CCDC85A: variants seen among roughly 807,000 people sequenced by gnomAD.
The protein encoded by CCDC85A is coiled-coil domain-containing protein 85A.
A neutral mutation model predicts 50.2 loss-of-function variants in CCDC85A; 38 were observed. The observed-to-expected ratio is 0.76, with a 90% CI of 0.58 to 0.99. The LOEUF (loss-of-function observed/expected upper bound fraction) is 0.99. Among genes scored for constraint, CCDC85A ranks in the 50% least tolerant of loss-of-function variants. The pLI, the probability that CCDC85A is intolerant of heterozygous loss-of-function variation, is 0.00. For synonymous variants in CCDC85A, 366 were observed against 301.4 expected, an observed-to-expected ratio of 1.21 and a Z score of -2.22; for missense variants, 820 against 742.0, an observed-to-expected ratio of 1.11 and a Z score of -1.22.
chr2:56,224,882 A>G (rs1237773157), intron 2 of CCDC85A, among the ~76,000 whole-genome samples: 2 of 152,048 alleles, frequency 1.3e-5, no homozygotes, highest in Admixed American at 6.6e-5. Flanking sequence ...GTTGTTTCTC[A>G]TTCTGTGGGT....
At chr2:56,350,822 T>C (rs1460521899) in intron 3 of CCDC85A, among the ~76,000 whole-genome samples, 4 of 151,056 alleles carry the variant, frequency 2.6e-5, no homozygotes, top group Non-Finnish European at 5.9e-5. Flanking sequence ...TGATAGATAT[T>C]TTTTTTCAGT....
intron 2 of CCDC85A, among the ~76,000 whole-genome samples, chr2:56,204,878 A>G (rs373298147): frequency 2.0e-5 from 3 of 152,198 alleles, no homozygotes; most frequent in East Asian, 3.8e-4. Context: ...TTGAAGCACC[A>G]CAGTGATGAG....
intron 2 of CCDC85A, among the ~76,000 whole-genome samples, chr2:56,249,478 A>G (rs973572046): frequency 6.6e-6 from 1 of 152,208 alleles, no homozygotes; most frequent in Non-Finnish European, 1.5e-5. Flanking sequence ...AATCCCATAC[A>G]GGGCCTATAT....
chr2:56,255,437 C>T (rs1006334964), intron 2 of CCDC85A, among the ~76,000 whole-genome samples: 2 of 151,994 alleles, frequency 1.3e-5, no homozygotes, highest in African/African-American at 4.8e-5. Flanking sequence ...AAGGGATAGA[C>T]AGGGTGATAA....
intron 2 of CCDC85A, 40 bp from the exon 3 acceptor site, chr2:56,342,839 A>T: frequency 7.6e-7 from 1 of 1,323,844 alleles, no homozygotes; most frequent in East Asian, 2.5e-5. Context: ...ACCAAACAAG[A>T]CCTGTGTGTA....
At chr2:56,266,393 G>A (rs563902425) in intron 2 of CCDC85A, among the ~76,000 whole-genome samples, 1 of 152,254 alleles carries the variant, frequency 6.6e-6, no homozygotes, top group East Asian at 1.9e-4. Context: ...AACATAGCAA[G>A]ACCCTGTTTC....
chr2:56,223,218 C>G (rs558191341), intron 2 of CCDC85A, among the ~76,000 whole-genome samples: 2 of 152,176 alleles, frequency 1.3e-5, no homozygotes, highest in East Asian at 1.9e-4. Flanking sequence ...TGTTAAAAAG[C>G]TGAATCAGTC....
At chr2:56,225,858 C>G (rs1045158700) in intron 2 of CCDC85A, among the ~76,000 whole-genome samples, 5 of 152,156 alleles carry the variant, frequency 3.3e-5, no homozygotes, top group African/African-American at 1.2e-4. Flanking sequence ...TAGCGTAAAT[C>G]TCCTGCTTTT....
At chr2:56,345,278 C>A (rs1206457985) in intron 3 of CCDC85A, among the ~76,000 whole-genome samples, 1 of 151,972 alleles carries the variant, frequency 6.6e-6, no homozygotes, top group Non-Finnish European at 1.5e-5. Context: ...TGGGATGCAC[C>A]ATCATGATAT....
At chr2:56,262,450 C>T (rs1324417863) in intron 2 of CCDC85A, among the ~76,000 whole-genome samples, 3 of 152,100 alleles carry the variant, frequency 2.0e-5, no homozygotes, top group Non-Finnish European at 1.5e-5. Flanking sequence ...ATTTCCTTGG[C>T]TTCTAAGGGT....
intron 3 of CCDC85A, among the ~76,000 whole-genome samples, chr2:56,356,719 T>C (rs1229173505): frequency 7.8e-6 from 1 of 128,698 alleles, no homozygotes; most frequent in African/African-American, 3.0e-5. Context: ...AACTTTTTTT[T>C]TCCATCTCAA....
chr2:56,337,029 C>T (rs1224901976), intron 2 of CCDC85A, among the ~76,000 whole-genome samples: 1 of 152,218 alleles, frequency 6.6e-6, no homozygotes, highest in Admixed American at 6.5e-5. Flanking sequence ...CAACCAAGTT[C>T]ATCGCACTCT....
chr2:56,247,487 T>A (rs1451633263), intron 2 of CCDC85A, among the ~76,000 whole-genome samples: 2 of 152,178 alleles, frequency 1.3e-5, no homozygotes, highest in Non-Finnish European at 2.9e-5. Context: ...AACTGGAGTG[T>A]TTTCCTCTAG....
chr2:56,217,563 A>G (rs1668125113), intron 2 of CCDC85A, among the ~76,000 whole-genome samples: 1 of 151,962 alleles, frequency 6.6e-6, no homozygotes, highest in Non-Finnish European at 1.5e-5. Flanking sequence ...AGACAAAATA[A>G]GTAGACAATT....
intron 2 of CCDC85A, among the ~76,000 whole-genome samples, chr2:56,292,420 A>T (rs1427360164): frequency 3.9e-5 from 6 of 152,182 alleles, no homozygotes; most frequent in African/African-American, 1.4e-4. Flanking sequence ...TAAAGGATAC[A>T]CATTTTCTCC....
chr2:56,371,001 G>A (rs898105121), intron 3 of CCDC85A, among the ~76,000 whole-genome samples: 3 of 152,018 alleles, frequency 2.0e-5, no homozygotes, highest in African/African-American at 4.8e-5. Context: ...TGGGAGGTGA[G>A]TATTAAGCTG....
chr2:56,373,978 A>G (rs1676209183), intron 4 of CCDC85A, among the ~76,000 whole-genome samples: 1 of 152,204 alleles, frequency 6.6e-6, no homozygotes, highest in East Asian at 1.9e-4. Flanking sequence ...GTGTCCCTTA[A>G]CCATCTTTTA....
chr2:56,358,922 T>G (rs1158494402), intron 3 of CCDC85A, among the ~76,000 whole-genome samples: 1 of 151,656 alleles, frequency 6.6e-6, no homozygotes, highest in East Asian at 1.9e-4. Flanking sequence ...GTAGCTGGGA[T>G]TACAGGCTTC....
chr2:56,184,643 G>C lies in CCDC85A; in HGVS notation c.19G>C (p.Gly7Arg), dbSNP rs1268721645. The C allele has an allele frequency of 4.2e-6, 6 of 1,437,564 alleles. No homozygotes were observed. Among genetic ancestry groups the C allele is most frequent in the Non-Finnish European group, 5.4e-6 (6 of 1,109,000 alleles). 89.1% of individuals were successfully genotyped at this position (1,437,564 alleles called of 1,614,324 possible). A position where few individuals can be genotyped will look rare whatever the true frequency, so the allele number is the denominator to read the frequency against. ...GGATACCATGTCGAAGGCGGCCGGA[G>C]GCGCGGCGGCGGCTGCGGCGGCGGC... MSKAAG[G>R]AAAAAAAAES... The change falls in exon 1 of 6, where the codon GGC becomes CGC. Residue 7 changes from glycine to arginine, a missense_variant. Gly to Arg is a moderately radical substitution (Grantham distance 125). Coordinates refer to ENST00000407595, the MANE Select transcript of CCDC85A (RefSeq NM_001080433.2).
Sources: gnomAD v4.1 joint callset for allele counts (sites outside exome capture counted in the v4.1 genomes callset) on GRCh38, gnomAD v4.1.1 for gene constraint, MANE v1.5 for transcripts, NCBI Gene and HGNC (gene_info 2026-07-23, HGNC 2026-07-21) for gene names.